Variants in GALNT1 observed in about 807,000 individuals in gnomAD.
The protein encoded by GALNT1 is GalNAc transferase 1.
Under a neutral mutation model 65.7 loss-of-function variants are expected in GALNT1, and 17 were observed. The ratio of observed to expected loss-of-function variants is 0.26; its 90% CI spans 0.18 to 0.39. The LOEUF (loss-of-function observed/expected upper bound fraction) is 0.39, where lower values mean the gene tolerates loss of function less well. Among genes scored for constraint, GALNT1 ranks in the 10% least tolerant of loss-of-function variants. The pLI, the probability that GALNT1 is intolerant of heterozygous loss-of-function variation, is 1.00. For missense variants in GALNT1, 460 were observed against 672.8 expected, an observed-to-expected ratio of 0.68 and a Z score of 3.50; for synonymous variants, 210 against 219.7, an observed-to-expected ratio of 0.96 and a Z score of 0.39.
chr18:35,680,619 CATAG>C (rs1737641703), intron 4 of GALNT1, among the ~76,000 whole-genome samples: 1 of 152,188 alleles, frequency 6.6e-6, no homozygotes, highest in Non-Finnish European at 1.5e-5. Flanking sequence ...GGTTGTGTAG[CATAG>C]ATAGTGTGCC....
chr18:35,621,323 T>C (rs369587399), intron 1 of GALNT1, among the ~76,000 whole-genome samples: 1 of 148,172 alleles, frequency 6.7e-6, no homozygotes, highest in East Asian at 2.0e-4. Flanking sequence ...GGACTACAGA[T>C]GCGTGTCAAC....
intron 11 of GALNT1, among the ~76,000 whole-genome samples, chr18:35,705,861 C>T (rs1424320204): frequency 6.6e-6 from 1 of 152,058 alleles, no homozygotes; most frequent in African/African-American, 2.4e-5. Flanking sequence ...TCCTTGTGGC[C>T]ACAAGGTGGT....
At chr18:35,689,360 A>G in intron 7 of GALNT1, 70 bp downstream of exon 7, 2 of 855,242 alleles carry the variant, frequency 2.3e-6, no homozygotes, top group Non-Finnish European at 1.9e-6. Flanking sequence ...TTATTCATGT[A>G]TCTCTACATA....
chr18:35,664,994 G>C (rs2144471557), intron 3 of GALNT1, among the ~76,000 whole-genome samples: 1 of 152,286 alleles, frequency 6.6e-6, no homozygotes, highest in Middle Eastern at 3.4e-3. Context: ...GATTGACTTG[G>C]GAAAGTTTCC....
chr18:35,647,831 C>T (rs1052460933), intron 1 of GALNT1, among the ~76,000 whole-genome samples: 1 of 152,020 alleles, frequency 6.6e-6, no homozygotes, highest in Non-Finnish European at 1.5e-5. Context: ...AGGAGAAAAT[C>T]ATTTGGCCGT....
At chr18:35,663,096 G>A (rs982748452) in intron 2 of GALNT1, among the ~76,000 whole-genome samples, 2 of 152,140 alleles carry the variant, frequency 1.3e-5, no homozygotes, top group Non-Finnish European at 2.9e-5. Context: ...TTTTAGTTGG[G>A]CATGGGAAGG....
At chr18:35,675,512 C>T (rs2047699055) in intron 3 of GALNT1, among the ~76,000 whole-genome samples, 1 of 152,114 alleles carries the variant, frequency 6.6e-6, no homozygotes, top group South Asian at 2.1e-4. Flanking sequence ...CCTTTCCATA[C>T]AGTTTTAGAA....
chr18:35,705,046 T>G (rs2048233900), intron 11 of GALNT1, among the ~76,000 whole-genome samples: 1 of 152,222 alleles, frequency 6.6e-6, no homozygotes, highest in Non-Finnish European at 1.5e-5. Flanking sequence ...GGCCTGGCTC[T>G]CTCTCCTTCT....
intron 11 of GALNT1, among the ~76,000 whole-genome samples, chr18:35,704,157 C>A (rs764009903): frequency 6.6e-6 from 1 of 152,150 alleles, no homozygotes; most frequent in African/African-American, 2.4e-5. Flanking sequence ...TTAAAGCATC[C>A]GTGGTAAACC....
chr18:35,679,036 A>G (rs2047751044), intron 4 of GALNT1, among the ~76,000 whole-genome samples: 1 of 152,240 alleles, frequency 6.6e-6, no homozygotes, highest in African/African-American at 2.4e-5. Flanking sequence ...AGACATTTAA[A>G]TAGTATAATA....
intron 3 of GALNT1, among the ~76,000 whole-genome samples, chr18:35,670,976 T>C (rs939814161): frequency 6.6e-6 from 1 of 152,206 alleles, no homozygotes; most frequent in Non-Finnish European, 1.5e-5. Flanking sequence ...CAATTTTATA[T>C]GTATTACCTG....
intron 2 of GALNT1, among the ~76,000 whole-genome samples, chr18:35,660,236 A>ATACC (rs58115300): frequency 0.62 from 94,189 of 151,838 alleles, 29,702 homozygotes; most frequent in Middle Eastern, 0.72. Flanking sequence ...ATATAACTTT[A>ATACC]GTCTACTTTC....
intron 9 of GALNT1, among the ~76,000 whole-genome samples, chr18:35,699,051 G>A (rs1245280982): frequency 2.0e-5 from 3 of 152,120 alleles, no homozygotes; most frequent in Non-Finnish European, 4.4e-5. Flanking sequence ...ATCATGTACT[G>A]CTACCCTGTC....
intron 9 of GALNT1, 116 bp from the exon 10 acceptor site, chr18:35,702,781 A>G: frequency 8.5e-6 from 5 of 586,758 alleles, no homozygotes; most frequent in Non-Finnish European, 1.5e-5. Context: ...CCAATAGGCC[A>G]TTTCAGAGTA....
chr18:35,597,386 A>G (rs757973668), intron 1 of GALNT1: 1 of 152,196 alleles, frequency 6.6e-6, no homozygotes, highest in Non-Finnish European at 1.5e-5. Context: ...GTGGGGAGAG[A>G]TGGATGCTGA....
intron 4 of GALNT1, among the ~76,000 whole-genome samples, chr18:35,680,036 C>T (rs2047764786): frequency 6.6e-6 from 1 of 152,158 alleles, no homozygotes; most frequent in African/African-American, 2.4e-5. Context: ...CGCTTCCATG[C>T]TTAAAACCCC....
chr18:35,616,255 T>C (rs2046782239), intron 1 of GALNT1, among the ~76,000 whole-genome samples: 1 of 152,200 alleles, frequency 6.6e-6, no homozygotes, highest in African/African-American at 2.4e-5. Context: ...TGACTAATTT[T>C]GAATTCTGGC....
chr18:35,637,126 A>G (rs2047101697), intron 1 of GALNT1, among the ~76,000 whole-genome samples: 2 of 152,128 alleles, frequency 1.3e-5, no homozygotes, highest in Admixed American at 6.5e-5. Context: ...CTGTTCCCCA[A>G]GATACAACAC....
At chr18:35,686,428 G>A (rs531532883) in intron 5 of GALNT1, among the ~76,000 whole-genome samples, 2 of 152,158 alleles carry the variant, frequency 1.3e-5, no homozygotes, top group Non-Finnish European at 2.9e-5. Flanking sequence ...GATCTAAGGG[G>A]GCTTGCCTTA....
Sources: allele counts gnomAD v4.1 joint callset (sites outside exome capture counted in the v4.1 genomes callset), GRCh38; gene constraint gnomAD v4.1.1; transcripts MANE v1.5; gene names NCBI Gene and HGNC (gene_info 2026-07-23, HGNC 2026-07-21).